Variants in CYTH3 observed in about 807,000 individuals in gnomAD.
CYTH3 encodes the protein cytohesin 3, also known as cytohesin-3.
In CYTH3, 23 loss-of-function variants were observed where a neutral mutation model predicts 55.1. The ratio of observed to expected loss-of-function variants is 0.42; its 90% CI spans 0.30 to 0.59. The LOEUF (loss-of-function observed/expected upper bound fraction) is 0.59, where lower values mean the gene tolerates loss of function less well. Ranked by LOEUF, CYTH3 falls within the 20% of genes least tolerant of loss-of-function variation. The probability of loss-of-function intolerance (pLI) is 0.20; values close to 1 mark genes in which losing one functional copy is unlikely to be tolerated. For synonymous variants in CYTH3, 249 were observed against 194.9 expected (o/e 1.28, Z -2.31); for missense variants, 413 against 524.8 (o/e 0.79, Z 2.08).
chr7:6,254,396 T>A (rs1007467524), intron 1 of CYTH3, among the ~76,000 whole-genome samples: 29 of 152,394 alleles, frequency 1.9e-4, no homozygotes, highest in African/African-American at 6.3e-4. Flanking sequence ...TGTAGTTATG[T>A]AGGAGAATGT....
intron 1 of CYTH3, among the ~76,000 whole-genome samples, chr7:6,196,737 AGG>A (rs1783943001): frequency 6.6e-6 from 1 of 152,146 alleles, no homozygotes; most frequent in African/African-American, 2.4e-5. Context: ...CTGGGATTAC[AGG>A]CGTGAGCCAC....
chr7:6,184,128 T>C (rs1326929335), intron 4 of CYTH3, among the ~76,000 whole-genome samples: 1 of 131,626 alleles, frequency 7.6e-6, no homozygotes, highest in African/African-American at 2.9e-5. Flanking sequence ...GGGCGGAATC[T>C]CGGCTTACTG....
At chr7:6,257,036 T>C (rs780905016) in intron 1 of CYTH3, among the ~76,000 whole-genome samples, 3 of 152,234 alleles carry the variant, frequency 2.0e-5, no homozygotes, top group African/African-American at 7.2e-5. Flanking sequence ...TTCAGGAACA[T>C]AGTCCATAAC....
chr7:6,161,934 A>C lies in CYTH3; in HGVS notation c.*3010T>G, dbSNP rs1044028. On this transcript the variant is annotated 3_prime_UTR_variant, in exon 13 of 13. Coordinates refer to ENST00000350796, the MANE Select transcript of CYTH3 (RefSeq NM_004227.4). ...GGGAGTATATACATCATTGAATAAC[A>C]GACACTCCAGAAATCAACAGATGTA... 6.5e-6 allele frequency: 1 copy of C among 152,704 alleles called. No individual in the cohort carries two copies. Among genetic ancestry groups the C allele is most frequent in the African/African-American group, 2.4e-5 (1 of 41,568 alleles). The allele number at this position is 152,704 out of a possible 1,614,324, so 9.5% of individuals were successfully genotyped here. A position where few individuals can be genotyped will look rare whatever the true frequency, so the allele number is the denominator to read the frequency against.
chr7:6,190,366 T>A (rs1425520706), intron 2 of CYTH3, 83 bp downstream of exon 2: 10 of 1,009,804 alleles, frequency 9.9e-6, no homozygotes, highest in Non-Finnish European at 1.3e-5. Flanking sequence ...TTTTTTACAT[T>A]TTTGTGAGGC....
chr7:6,236,176 T>G (rs1329485406), intron 1 of CYTH3, among the ~76,000 whole-genome samples: 1 of 152,050 alleles, frequency 6.6e-6, no homozygotes, highest in Admixed American at 6.6e-5. Context: ...AATGTTAATA[T>G]ATAGGATATA....
rs1782830553 is a variant in CYTH3, at chr7:6,161,921, A to G, written c.*3023T>C. On this transcript the variant is annotated 3_prime_UTR_variant, in exon 13 of 13. Transcript: ENST00000350796. ...TCATGCGAGCTGTGGGAGTATATAC[A>G]TCATTGAATAACAGACACTCCAGAA... is the stretch of plus-strand genomic sequence containing the variant. 6.6e-6 allele frequency: 1 copy of G among 152,628 alleles called. No individual in the cohort carries two copies. Among genetic ancestry groups the G allele is most frequent in the Non-Finnish European group, 1.5e-5 (1 of 68,042 alleles). 9.5% of individuals were successfully genotyped at this position (152,628 alleles called of 1,614,324 possible).
At chr7:6,208,710 T>A (rs1370873861) in intron 1 of CYTH3, among the ~76,000 whole-genome samples, 1 of 152,052 alleles carries the variant, frequency 6.6e-6, no homozygotes, top group African/African-American at 2.4e-5. Context: ...TATCCAACTA[T>A]TTTTTATTTT....
intron 1 of CYTH3, among the ~76,000 whole-genome samples, chr7:6,230,576 G>C (rs985002957): frequency 2.0e-5 from 3 of 152,078 alleles, no homozygotes; most frequent in African/African-American, 7.2e-5. Flanking sequence ...TTTACACGGT[G>C]AAAAAAATGT....
chr7:6,182,157 C>G (rs550580091), intron 4 of CYTH3, among the ~76,000 whole-genome samples: 7 of 152,010 alleles, frequency 4.6e-5, no homozygotes, highest in Non-Finnish European at 8.8e-5. Flanking sequence ...AAGTGATTCT[C>G]CTGCCTCAGC....
At position 6,251,921 on chromosome 7, in the gene CYTH3, A is replaced by G. The variant is rs565832459; in HGVS notation, c.34+20553T>C. On this transcript the variant is annotated intron_variant, in intron 1 of 12. Coordinates refer to ENST00000350796, the MANE Select transcript of CYTH3 (RefSeq NM_004227.4). ...GAGAAATCTGACCCCCTTAATGTGA[A>G]AAAAGAAAAACAAAATGCTTGAGAT... Among the ~76,000 whole-genome samples the G allele has an allele frequency of 4.6e-4, 70 of 152,304 alleles. 1 individual carries two copies. The highest frequency in any genetic ancestry group is 1.6e-3 in the African/African-American group (65 of 41,536).
intron 5 of CYTH3, 45 bp from the exon 6 acceptor site, chr7:6,173,778 C>T: frequency 8.7e-7 from 1 of 1,152,604 alleles, no homozygotes. Flanking sequence ...TACATTATCG[C>T]AATCATTTTA....
intron 1 of CYTH3, among the ~76,000 whole-genome samples, chr7:6,215,318 C>T (rs541098318): frequency 1.1e-4 from 16 of 152,240 alleles, no homozygotes; most frequent in South Asian, 1.0e-3. Flanking sequence ...AGGCCAGGTG[C>T]GGTGGCTCAC....
Position 6,247,114 on chromosome 7 carries a change from AGT to A in CYTH3, c.34+25358_34+25359del, listed in dbSNP as rs556433313. On this transcript the variant is annotated intron_variant, in intron 1 of 12. Transcript: ENST00000350796. The stretch of plus-strand genomic sequence containing the variant: ...GGCAGGGTGAGCTCCCACTGAAGGC[AGT>A]GTGCTAGCTCCAACTTCTGTATCTT... 7.2e-5 allele frequency among the ~76,000 whole-genome samples: 11 copies of A among 152,386 alleles called. No individual in the cohort carries two copies. The South Asian group carries it at 2.3e-3, about 32-fold the overall frequency.
At chr7:6,187,148 A>T in intron 3 of CYTH3, 32 bp from the exon 4 acceptor site, 1 of 1,605,898 alleles carries the variant, frequency 6.2e-7, no homozygotes, top group Non-Finnish European at 8.5e-7. Context: ...AAAATCACTC[A>T]TGCTGTTTTC....
chr7:6,167,578 G>A lies in CYTH3; in HGVS notation c.824-1768C>T, dbSNP rs1223796162. 6.6e-6 allele frequency among the ~76,000 whole-genome samples: 1 copy of A among 152,224 alleles called. No individual in the cohort carries two copies. The highest frequency in any genetic ancestry group is 1.9e-4 in the East Asian group (1 of 5,194). On this transcript the variant is annotated intron_variant, in intron 9 of 12. Transcript: ENST00000350796. The surrounding 1 kb of genome is among the most constrained non-coding windows in gnomAD (Gnocchi z 5.5). ...ATCTTTTCAAAAACGTGGCAATCAT[G>A]CCCCTCCGGCTTGAAGCCCCCCAAA...
At chr7:6,177,758 G>C (rs1783386496) in intron 5 of CYTH3, 65 bp downstream of exon 5, 3 of 1,271,466 alleles carry the variant, frequency 2.4e-6, no homozygotes, top group Non-Finnish European at 3.4e-6. Context: ...AGTGGAGCGT[G>C]AGCCTAGGTC....
At chr7:6,252,755 C>A (rs1302894085) in intron 1 of CYTH3, among the ~76,000 whole-genome samples, 1 of 152,154 alleles carries the variant, frequency 6.6e-6, no homozygotes, top group Admixed American at 6.5e-5. Context: ...TAGTCTTCAT[C>A]CAAGGATCTG....
chr7:6,271,806 G>C (rs1780666012), intron 1 of CYTH3, among the ~76,000 whole-genome samples: 2 of 152,164 alleles, frequency 1.3e-5, no homozygotes, highest in African/African-American at 4.8e-5. Flanking sequence ...GCTGGGTGCA[G>C]CTCGTGTCTC....
Sources: gnomAD v4.1 joint callset for allele counts (sites outside exome capture counted in the v4.1 genomes callset) on GRCh38, gnomAD v4.1.1 for gene constraint, Gnocchi (gnomAD v3.1) non-coding constraint, MANE v1.5 for transcripts, NCBI Gene and HGNC (gene_info 2026-07-23, HGNC 2026-07-21) for gene names.